The following SYNJ2 variants were observed in gnomAD, a reference collection of about 807,000 sequenced individuals.
The protein encoded by SYNJ2 is synaptojanin 2.
SYNJ2 carries 116 observed loss-of-function variants against 141.3 expected under a neutral mutation model. The observed-to-expected ratio is 0.82, with a 90% CI of 0.71 to 0.96. The LOEUF (loss-of-function observed/expected upper bound fraction) is 0.96, where lower values mean the gene tolerates loss of function less well. Among genes scored for constraint, SYNJ2 ranks in the 40% least tolerant of loss-of-function variants. The pLI is 0.00. For missense variants in SYNJ2, 1,873 were observed against 1,934.8 expected (o/e 0.97, Z 0.60); for synonymous variants, 745 against 777.7 (o/e 0.96, Z 0.70).
chr6:158,085,024 CTTT>C (rs751916726), intron 22 of SYNJ2, among the ~76,000 whole-genome samples: 4 of 142,046 alleles, frequency 2.8e-5, no homozygotes, highest in Admixed American at 7.1e-5. Context: ...AATAATACAA[CTTT>C]TTTTTTTTTT....
rs58284240 is a variant in SYNJ2, at chr6:158,000,064, C to CTTTTTTTTTTTT, written c.128-17112_128-17101dup. On this transcript the variant is annotated intron_variant, in intron 1 of 26. Coordinates refer to ENST00000355585, the MANE Select transcript of SYNJ2 (RefSeq NM_003898.4). Reference sequence around the variant, plus strand: ...GCCAGGTTCTCACCAAGCCAAAAGGCTTTTTTTTTTTTTTTTTTTTTTTTT... The same window carrying CTTTTTTTTTTTT: ...GCCAGGTTCTCACCAAGCCAAAAGGCTTTTTTTTTTTTTTTTTTTTTTTTTTTTTTTTTTTTT... Among the ~76,000 whole-genome samples, 13 of 85,570 alleles carry CTTTTTTTTTTTT rather than the reference C, an allele frequency of 1.5e-4. 2 individuals carry two copies. Among genetic ancestry groups the CTTTTTTTTTTTT allele is most frequent in the Non-Finnish European group, 1.7e-4 (7 of 40,840 alleles). 56.1% of individuals were successfully genotyped at this position (85,570 alleles called of 152,430 possible).
intron 5 of SYNJ2, among the ~76,000 whole-genome samples, chr6:158,045,264 C>T (rs564040437): frequency 3.1e-4 from 47 of 152,172 alleles, no homozygotes; most frequent in Admixed American, 1.8e-3. Context: ...CCCACTACCA[C>T]ACCCAGCTAA....
In SYNJ2 at chr6:158,066,565, G is replaced by A. The variant is rs1003295957; in HGVS notation, c.1647G>A (p.Val549=). 3 of 1,614,072 alleles carry A rather than the reference G, an allele frequency of 1.9e-6. No individual in the cohort carries two copies. The highest frequency in any genetic ancestry group is 2.7e-5 in the African/African-American group (2 of 74,926). The change falls in exon 12 of 27, where the codon GTG becomes GTA. Residue 549 remains valine (V), a synonymous_variant. Coordinates refer to ENST00000355585, the MANE Select transcript of SYNJ2 (RefSeq NM_003898.4). ...GAGGAAAGCAGTTCCGGAGCAACGT[G>A]CTCAGGACGGCGGAGCTGACAGACT... ...VNGGKQFRSN[V]LRTAELTDWL...
rs932727222 is a variant in SYNJ2, at chr6:158,027,437, C to G, written c.215-1319C>G. On this transcript the variant is annotated intron_variant, in intron 2 of 26. Transcript: ENST00000355585. The surrounding 1 kb of genome is among the most constrained non-coding windows in gnomAD (Gnocchi z 4.6). ...GTGAGGCACGGCGCCACCAGGCACC[C>G]CCGATACGCAGCGTGTTGTGAAGTG... 1 of 156,148 alleles carries G rather than the reference C, an allele frequency of 6.4e-6. No homozygotes were observed. The highest frequency in any genetic ancestry group is 2.0e-4 in the South Asian group (1 of 4,890). 9.7% of individuals were successfully genotyped at this position (156,148 alleles called of 1,614,324 possible). A position where few individuals can be genotyped will look rare whatever the true frequency, so the allele number is the denominator to read the frequency against.
At chr6:158,005,407 G>A (rs956698708) in intron 1 of SYNJ2, among the ~76,000 whole-genome samples, 6 of 152,034 alleles carry the variant, frequency 3.9e-5, no homozygotes, top group African/African-American at 1.2e-4. Context: ...CTGGGATGGC[G>A]ACCCTTAGAA....
intron 6 of SYNJ2, among the ~76,000 whole-genome samples, chr6:158,055,520 T>A (rs2128356482): frequency 6.6e-6 from 1 of 152,120 alleles, no homozygotes; most frequent in South Asian, 2.1e-4. Context: ...TGTGTGTGTG[T>A]GTGTGTGTGT....
intron 22 of SYNJ2, among the ~76,000 whole-genome samples, chr6:158,085,353 T>C (rs1782968536): frequency 6.6e-6 from 1 of 152,178 alleles, no homozygotes; most frequent in Non-Finnish European, 1.5e-5. Context: ...TAAAGCCCAC[T>C]AATGTTACGT....
At chr6:158,039,844 T>G (rs972765741) in intron 4 of SYNJ2, among the ~76,000 whole-genome samples, 2 of 152,036 alleles carry the variant, frequency 1.3e-5, no homozygotes, top group Admixed American at 1.3e-4. Context: ...GTGAGCCCCT[T>G]GTGGTGCCGC....
At position 158,096,625 on chromosome 6, in the gene SYNJ2, G is replaced by C. The variant is rs1783815111; in HGVS notation, c.*261G>C. On this transcript the variant is annotated 3_prime_UTR_variant, in exon 27 of 27. Transcript: ENST00000355585. ...ACCTTCCTGTTAAATTCGGTGTATG[G>C]ATTTTAAGAAAGGAATCTAGCCAAT... 1 of 332,174 alleles carries C rather than the reference G, an allele frequency of 3.0e-6. No individual in the cohort carries two copies. The highest frequency in any genetic ancestry group is 5.4e-6 in the Non-Finnish European group (1 of 184,358). 20.6% of individuals were successfully genotyped at this position (332,174 alleles called of 1,614,324 possible).
chr6:158,038,531 G>A (rs1363715455), intron 4 of SYNJ2, among the ~76,000 whole-genome samples: 4 of 152,230 alleles, frequency 2.6e-5, no homozygotes, highest in Admixed American at 2.0e-4. Context: ...GATGAGCCTG[G>A]AGGTGCCTGG....
chr6:158,027,199 G>A lies in SYNJ2; in HGVS notation c.215-1557G>A. 1.0e-6 allele frequency: 1 copy of A among 985,038 alleles called. No homozygotes were observed. Among genetic ancestry groups the A allele is most frequent in the African/African-American group, 1.8e-5 (1 of 57,080 alleles). 61.0% of individuals were successfully genotyped at this position (985,038 alleles called of 1,614,324 possible). A position where few individuals can be genotyped will look rare whatever the true frequency, so the allele number is the denominator to read the frequency against. ...ATTGGGGTGAGAGGGTGGTGGAACT[G>A]GTTGTTTTGGGGGTCTCTTCCTGGA... On this transcript the variant is annotated intron_variant, in intron 2 of 26. Transcript: ENST00000355585. This position sits in a 1 kb window ranked among gnomAD's most constrained non-coding sequence, Gnocchi z 4.6.
In SYNJ2 at chr6:158,081,477, G is replaced by C; in HGVS notation, c.2832G>C (p.Ser944=). 1 of 1,614,034 alleles carries C rather than the reference G, an allele frequency of 6.2e-7. No homozygotes were observed. Among genetic ancestry groups the C allele is most frequent in the East Asian group, 2.2e-5 (1 of 44,878 alleles). Residue 944 remains serine (S), a synonymous_variant, in exon 20 of 27, where the codon TCG becomes TCC. Coordinates refer to ENST00000355585, the MANE Select transcript of SYNJ2 (RefSeq NM_003898.4). The part of the protein sequence containing the change: ...QMLVTFADSH[S]ALSVLDVDGM... Reference sequence around the variant, plus strand: ...TGGTAACTTTTGCAGACAGTCACTCGGCTCTCAGTGTCCTGGACGTGGACG... The same window carrying C: ...TGGTAACTTTTGCAGACAGTCACTCCGCTCTCAGTGTCCTGGACGTGGACG...
intron 6 of SYNJ2, 58 bp from the exon 7 acceptor site, chr6:158,059,199 G>A (rs1781049728): frequency 6.8e-7 from 1 of 1,476,898 alleles, no homozygotes; most frequent in African/African-American, 1.4e-5. Context: ...GGCAGAACAG[G>A]GCAGAGTCTG....
At position 158,095,601 on chromosome 6, in the gene SYNJ2, G is replaced by A; in HGVS notation, c.3745-17G>A. The A allele has an allele frequency of 6.4e-7, 1 of 1,571,844 alleles. No homozygotes were observed. The highest frequency in any genetic ancestry group is 8.6e-7 in the Non-Finnish European group (1 of 1,162,242). Reference sequence around the variant, plus strand: ...TATTGGCTTCTTATTTACACTCTTTGTCCCACCTTTTCTCAGCCCCTGTCA... The same window carrying A: ...TATTGGCTTCTTATTTACACTCTTTATCCCACCTTTTCTCAGCCCCTGTCA... On this transcript the variant is annotated splice_polypyrimidine_tract_variant and intron_variant, in intron 26 of 26. Coordinates refer to ENST00000355585, the MANE Select transcript of SYNJ2 (RefSeq NM_003898.4).
chr6:158,036,864 G>A (rs1779664835), intron 4 of SYNJ2, among the ~76,000 whole-genome samples: 1 of 152,190 alleles, frequency 6.6e-6, no homozygotes, highest in Admixed American at 6.5e-5. Flanking sequence ...TCTGGCTGAT[G>A]TCTGCATGGG....
At chr6:158,072,057 T>A (rs1781964199) in intron 15 of SYNJ2, among the ~76,000 whole-genome samples, 1 of 152,238 alleles carries the variant, frequency 6.6e-6, no homozygotes, top group Non-Finnish European at 1.5e-5. Context: ...ACTGGATTTG[T>A]ATGTGTGCAT....
At chr6:158,015,478 A>G (rs1778419136) in intron 1 of SYNJ2, among the ~76,000 whole-genome samples, 1 of 152,166 alleles carries the variant, frequency 6.6e-6, no homozygotes, top group South Asian at 2.1e-4. Context: ...AGAAAAGTCC[A>G]TCTTTATTTG....
chr6:158,071,530 C>G lies in SYNJ2; in HGVS notation c.1941-72C>G. The G allele has an allele frequency of 1.9e-6, 3 of 1,547,132 alleles. No individual in the cohort carries two copies. The highest frequency in any genetic ancestry group is 2.6e-6 in the Non-Finnish European group (3 of 1,144,250). ...GCAGGTCCCGAGCTGCTGCTGGGCC[C>G]TTCTCTGTGGCAAAGCAGGGTCACA... On this transcript the variant is annotated intron_variant, in intron 14 of 26. Coordinates refer to ENST00000355585, the MANE Select transcript of SYNJ2 (RefSeq NM_003898.4). This position sits in a 1 kb window ranked among gnomAD's most constrained non-coding sequence, Gnocchi z 4.3.
At chr6:157,989,912 G>GT (rs1035838825) in intron 1 of SYNJ2, among the ~76,000 whole-genome samples, 35 of 152,104 alleles carry the variant, frequency 2.3e-4, no homozygotes, top group Non-Finnish European at 5.1e-4. Context: ...CTTTTCTGGG[G>GT]GGGGCTAGGA....
Sources: gnomAD v4.1 joint callset for allele counts (sites outside exome capture counted in the v4.1 genomes callset) on GRCh38, gnomAD v4.1.1 for gene constraint, Gnocchi (gnomAD v3.1) non-coding constraint, MANE v1.5 for transcripts, NCBI Gene and HGNC (gene_info 2026-07-23, HGNC 2026-07-21) for gene names.